The following PFKL variants were observed in gnomAD, a reference collection of about 807,000 sequenced individuals.
PFKL encodes ATP-dependent 6-phosphofructokinase, liver type.
In PFKL, 74 loss-of-function variants were observed where a neutral mutation model predicts 92.1. That is an observed-to-expected ratio of 0.80 (90% CI 0.67 to 0.97). PFKL has a LOEUF of 0.97. Ranked by LOEUF, PFKL falls within the 50% of genes least tolerant of loss-of-function variation. The pLI, the probability that PFKL is intolerant of heterozygous loss-of-function variation, is 0.00. For missense variants in PFKL, 1,028 were observed against 1,116.6 expected (o/e 0.92, Z 1.13); for synonymous variants, 494 against 456.4 (o/e 1.08, Z -1.05).
At chr21:44,300,688 T>A (rs56295824) in intron 1 of PFKL, among the ~76,000 whole-genome samples, 1 of 152,056 alleles carries the variant, frequency 6.6e-6, no homozygotes, top group African/African-American at 2.4e-5. Flanking sequence ...GCCGCCTTCC[T>A]TGTGGGTCTA....
At chr21:44,306,115 T>TCAGTGCCCAGAGGTGCTCCCC (rs1601998967) in intron 1 of PFKL, among the ~76,000 whole-genome samples, 2 of 152,212 alleles carry the variant, frequency 1.3e-5, no homozygotes, top group South Asian at 2.1e-4. Flanking sequence ...CGCCGCAGCC[T>TCAGTGCCCAGAGGTGCTCCCC]GAATGTCTGG....
rs373156682 is a variant in PFKL, at chr21:44,326,029, G to T, written c.2058G>T (p.Leu686Phe). The T allele has an allele frequency of 6.8e-6, 11 of 1,613,794 alleles. No homozygotes were observed. In the African/African-American group the frequency reaches 1.5e-4, roughly 22 times the overall value. ...TGGGGGTGAAGGCCATGCTGTGGTT[G>T]TCGGAGAAGCTGCGCGAGGTTTACC... ...TKLGVKAMLW[L>F]SEKLREVYRK... The change falls in exon 20 of 22, where the codon TTG becomes TTT. Residue 686 changes from leucine (L) to phenylalanine (F), a missense_variant. Transcript: ENST00000349048.
intron 9 of PFKL, among the ~76,000 whole-genome samples, chr21:44,317,048 G>A (rs545608769): frequency 6.6e-6 from 1 of 152,336 alleles, no homozygotes; most frequent in South Asian, 2.1e-4. Flanking sequence ...GGGAGCATTC[G>A]GGGTCTGGCC....
chr21:44,322,064 A>T, intron 13 of PFKL, 69 bp from the exon 14 acceptor site: 2 of 1,522,648 alleles, frequency 1.3e-6, no homozygotes, highest in Non-Finnish European at 1.8e-6. Context: ...CCCCGGGCAC[A>T]GGCCCACCCC....
rs753348614 is a variant in PFKL, at chr21:44,326,262, C to T, written c.2193C>T (p.Phe731=). ...CTGAGCTCAAGAAAGACACTGATTTCGAGTGAGTTCCACCAAAGCCTCGTG... is the reference window on the plus strand; with the variant it reads ...CTGAGCTCAAGAAAGACACTGATTTTGAGTGAGTTCCACCAAAGCCTCGTG... ...PVTELKKDTD[F]EHRMPREQWW... The change falls in exon 21 of 22, where the codon TTC becomes TTT. Residue 731 remains phenylalanine (F), a splice_region_variant and synonymous_variant. Transcript: ENST00000349048. 4.4e-5 allele frequency: 70 copies of T among 1,604,832 alleles called. No homozygotes were observed. Among genetic ancestry groups the T allele is most frequent in the Admixed American group, 3.2e-4 (19 of 59,818 alleles).
At chr21:44,315,699 GGTGTGTCCTATGTGCACCA>G (rs751053393) in intron 7 of PFKL, 83 of 157,842 alleles carry the variant, frequency 5.3e-4, no homozygotes, top group Non-Finnish European at 7.7e-4. Flanking sequence ...CAGAGGGGAT[GGTGTGTCCTATGTGCACCA>G]GTGTGGACCC....
intron 7 of PFKL, 49 bp downstream of exon 7, chr21:44,314,070 G>C: frequency 1.5e-6 from 2 of 1,331,610 alleles, no homozygotes; most frequent in Non-Finnish European, 2.1e-6. Flanking sequence ...TGGTGCACTG[G>C]GTAGCGCCCC....
intron 18 of PFKL, 88 bp from the exon 19 acceptor site, chr21:44,325,065 C>T (rs2047463218): frequency 8.4e-7 from 1 of 1,193,780 alleles, no homozygotes; most frequent in Non-Finnish European, 1.2e-6. Flanking sequence ...CTGCCACTCC[C>T]TCTCCCAGGC....
At chr21:44,307,096 C>A (rs999383916) in intron 2 of PFKL, among the ~76,000 whole-genome samples, 1 of 147,966 alleles carries the variant, frequency 6.8e-6, no homozygotes, top group African/African-American at 2.4e-5. Context: ...TGCCTGGTGT[C>A]CCCCAGCCTG....
In PFKL at chr21:44,324,786, C is replaced by T. The variant is rs549886008; in HGVS notation, c.1816-70C>T. The T allele has an allele frequency of 7.3e-5, 115 of 1,581,066 alleles. No individual in the cohort carries two copies. In the African/African-American group the frequency reaches 1.0e-3, roughly 14 times the overall value. On this transcript the variant is annotated intron_variant, in intron 17 of 21. Coordinates refer to ENST00000349048, the MANE Select transcript of PFKL (RefSeq NM_002626.6). ...CGTAGCCCAGTGCTCCTGCTGGCCC[C>T]GGATCGCCGGTCAGCCTGGAATTCC...
intron 2 of PFKL, among the ~76,000 whole-genome samples, chr21:44,310,651 C>G (rs1161438775): frequency 3.9e-5 from 6 of 152,158 alleles, no homozygotes; most frequent in Non-Finnish European, 7.4e-5. Context: ...ACAGGCAGAC[C>G]TAGGATGCAC....
At position 44,312,968 on chromosome 21, in the gene PFKL, C is replaced by T. The variant is rs757978148; in HGVS notation, c.428-10C>T. On this transcript the variant is annotated splice_polypyrimidine_tract_variant and intron_variant, in intron 4 of 21. Transcript: ENST00000349048. ...GCCTCAGCCAGGTCCTCCTGCTGCT[C>T]CTGGCCCAGGTAAGATCTCAGAGAC... is the stretch of plus-strand genomic sequence containing the variant. 6.2e-7 allele frequency: 1 copy of T among 1,612,034 alleles called. No homozygotes were observed. The highest frequency in any genetic ancestry group is 1.1e-5 in the South Asian group (1 of 91,074).
chr21:44,316,773 G>T (rs2145984227), intron 9 of PFKL, among the ~76,000 whole-genome samples: 1 of 152,196 alleles, frequency 6.6e-6, no homozygotes, highest in East Asian at 1.9e-4. Context: ...GGGTGTGTGT[G>T]GGTGTTCCCT....
intron 1 of PFKL, chr21:44,305,959 G>A: frequency 7.4e-7 from 1 of 1,347,702 alleles, no homozygotes; most frequent in African/African-American, 1.5e-5. Flanking sequence ...AGGCCCTGGG[G>A]CAGGGCAGTG....
At chr21:44,311,846 T>A (rs978931853) in intron 3 of PFKL, among the ~76,000 whole-genome samples, 3 of 152,144 alleles carry the variant, frequency 2.0e-5, no homozygotes, top group Admixed American at 6.5e-5. Context: ...CTTTCCAGTC[T>A]CCAAAGCCTT....
At chr21:44,326,487 C>T (rs571226063) in intron 21 of PFKL, among the ~76,000 whole-genome samples, 2 of 152,194 alleles carry the variant, frequency 1.3e-5, no homozygotes, top group African/African-American at 4.8e-5. Flanking sequence ...GGGGGCACAG[C>T]GGGTAGCCAG....
chr21:44,316,178 C>G lies in PFKL; in HGVS notation c.748-66C>G. On this transcript the variant is annotated intron_variant, in intron 7 of 21. Transcript: ENST00000349048. ...TGGCCCCAGGGAGGGCTCCTGGCAC[C>G]CGGGGGCTGTGTCCGGGGCAGGTTT... 4.0e-6 allele frequency: 6 copies of G among 1,495,284 alleles called. No homozygotes were observed. In the South Asian group the frequency reaches 6.8e-5, roughly 17 times the overall value. The allele number at this position is 1,495,284 out of a possible 1,614,324, so 92.6% of individuals were successfully genotyped here.
At chr21:44,308,476 G>A (rs1239581403) in intron 2 of PFKL, among the ~76,000 whole-genome samples, 4 of 152,180 alleles carry the variant, frequency 2.6e-5, no homozygotes, top group African/African-American at 7.2e-5. Flanking sequence ...GAATAGGCAT[G>A]GAGAGGTAGG....
At chr21:44,301,329 G>A (rs899033531) in intron 1 of PFKL, among the ~76,000 whole-genome samples, 3 of 152,322 alleles carry the variant, frequency 2.0e-5, no homozygotes, top group East Asian at 1.9e-4. Context: ...TGGCAAGAGC[G>A]GGAGCTGCTG....
Sources: gnomAD v4.1 joint callset for allele counts (sites outside exome capture counted in the v4.1 genomes callset) on GRCh38, gnomAD v4.1.1 for gene constraint, MANE v1.5 for transcripts, NCBI Gene and HGNC (gene_info 2026-07-23, HGNC 2026-07-21) for gene names.